Variants in TSGA10 observed in about 807,000 individuals in gnomAD.
TSGA10 encodes the protein testis specific 10.
Under a neutral mutation model 96.6 loss-of-function variants are expected in TSGA10, and 43 were observed. That is an observed-to-expected ratio of 0.44 (90% CI 0.35 to 0.57). The LOEUF is 0.57. Among genes scored for constraint, TSGA10 ranks in the 20% least tolerant of loss-of-function variants. The pLI, the probability that TSGA10 is intolerant of heterozygous loss-of-function variation, is 0.01. For missense variants in TSGA10, 703 were observed against 834.4 expected (o/e 0.84, Z 1.94); for synonymous variants, 229 against 269.9 (o/e 0.85, Z 1.48).
At chr2:99,062,804 A>T (rs2084846533) in intron 16 of TSGA10, among the ~76,000 whole-genome samples, 1 of 152,208 alleles carries the variant, frequency 6.6e-6, no homozygotes. Context: ...TTAAAAACTG[A>T]ATGGCAATGA....
chr2:99,144,567 T>TC (rs955070663), intron 1 of TSGA10, among the ~76,000 whole-genome samples: 13 of 142,770 alleles, frequency 9.1e-5, no homozygotes, highest in African/African-American at 3.3e-4. Flanking sequence ...GAGACTTGCT[T>TC]GAACCCGGGA....
At chr2:99,121,933 G>A (rs2092594893) in intron 2 of TSGA10, among the ~76,000 whole-genome samples, 1 of 151,954 alleles carries the variant, frequency 6.6e-6, no homozygotes, top group African/African-American at 2.4e-5. Context: ...TACATCTATG[G>A]TCCATTTAAT....
chr2:99,021,860 G>A (rs915812769), intron 17 of TSGA10, among the ~76,000 whole-genome samples: 3 of 152,144 alleles, frequency 2.0e-5, no homozygotes, highest in African/African-American at 7.2e-5. Context: ...ACATTACATT[G>A]GGCAATGGCA....
intron 1 of TSGA10, among the ~76,000 whole-genome samples, chr2:99,131,874 T>A (rs530283871): frequency 4.0e-4 from 61 of 152,320 alleles, no homozygotes; most frequent in African/African-American, 1.4e-3. Context: ...TCTATTGAGA[T>A]AATCATGTGG....
intron 18 of TSGA10, among the ~76,000 whole-genome samples, chr2:99,019,358 CGTAT>C: frequency 6.6e-6 from 1 of 152,206 alleles, no homozygotes; most frequent in East Asian, 1.9e-4. Flanking sequence ...GAAGTTTTGG[CGTAT>C]TTCACAAAAG....
intron 16 of TSGA10, among the ~76,000 whole-genome samples, chr2:99,057,715 G>A (rs964413276): frequency 2.0e-5 from 3 of 152,096 alleles, no homozygotes; most frequent in Non-Finnish European, 4.4e-5. Context: ...CAGAATCCCA[G>A]GTGGTTTCTT....
intron 2 of TSGA10, 92 bp from the exon 3 acceptor site, chr2:99,118,778 T>C: frequency 2.0e-6 from 1 of 508,908 alleles, no homozygotes; most frequent in Non-Finnish European, 2.5e-6. Context: ...GTTAGATACC[T>C]GCCCTCAGGG....
chr2:99,047,669 G>T (rs1029475669), intron 16 of TSGA10, among the ~76,000 whole-genome samples: 1 of 152,128 alleles, frequency 6.6e-6, no homozygotes, highest in Admixed American at 6.6e-5. Context: ...TGGCACAAGA[G>T]GGGGATGCCC....
chr2:99,138,263 T>C (rs1181351220), intron 1 of TSGA10, among the ~76,000 whole-genome samples: 1 of 152,194 alleles, frequency 6.6e-6, no homozygotes, highest in Non-Finnish European at 1.5e-5. Context: ...GGGTCTTCCC[T>C]GACTTCTTAC....
chr2:98,998,267 TTTCAACATG>T, intron 20 of TSGA10, 46 bp from the exon 21 acceptor site: 1 of 1,508,488 alleles, frequency 6.6e-7, no homozygotes, highest in Non-Finnish European at 9.1e-7. Flanking sequence ...AATTCAACTT[TTTCAACATG>T]TGTAACAAAT....
intron 9 of TSGA10, 73 bp from the exon 10 acceptor site, chr2:99,104,191 C>T: frequency 6.5e-7 from 1 of 1,542,590 alleles, no homozygotes; most frequent in Non-Finnish European, 8.8e-7. Context: ...GGGCATACTC[C>T]CTCTGTACAA....
chr2:99,042,485 G>A (rs967741566), intron 16 of TSGA10, among the ~76,000 whole-genome samples: 1 of 152,136 alleles, frequency 6.6e-6, no homozygotes, highest in Non-Finnish European at 1.5e-5. Flanking sequence ...CCTCACCTCA[G>A]TCAGGCTGCT....
At chr2:99,075,144 G>A (rs1236368820) in intron 12 of TSGA10, among the ~76,000 whole-genome samples, 1 of 152,030 alleles carries the variant, frequency 6.6e-6, no homozygotes. Flanking sequence ...CTCTTAATAT[G>A]ACCCTAATAC....
chr2:99,069,661 A>T (rs1405081199), intron 14 of TSGA10, among the ~76,000 whole-genome samples: 1 of 151,356 alleles, frequency 6.6e-6, no homozygotes, highest in Non-Finnish European at 1.5e-5. Flanking sequence ...AAATAAATAA[A>T]TAATAATTAA....
At chr2:99,077,960 C>T (rs1435774101) in intron 12 of TSGA10, among the ~76,000 whole-genome samples, 1 of 151,790 alleles carries the variant, frequency 6.6e-6, no homozygotes, top group African/African-American at 2.4e-5. Flanking sequence ...ATTCTCAAAG[C>T]CTGAGGATGA....
At chr2:98,998,841 C>T (rs902128404) in intron 20 of TSGA10, among the ~76,000 whole-genome samples, 1 of 152,126 alleles carries the variant, frequency 6.6e-6, no homozygotes, top group African/African-American at 2.4e-5. Context: ...ATATGTGGGA[C>T]TGTCTGTGGT....
At chr2:99,098,019 GA>G (rs1035885236) in intron 10 of TSGA10, among the ~76,000 whole-genome samples, 6 of 151,934 alleles carry the variant, frequency 3.9e-5, no homozygotes, top group Non-Finnish European at 1.5e-5. Context: ...AATATATAAT[GA>G]AAAAATTGAC....
At chr2:99,119,602 A>C in intron 2 of TSGA10, among the ~76,000 whole-genome samples, 1 of 152,142 alleles carries the variant, frequency 6.6e-6, no homozygotes, top group African/African-American at 2.4e-5. Context: ...AACCCTACTT[A>C]GGCTTCAATT....
At chr2:99,050,163 C>T (rs972758489) in intron 16 of TSGA10, among the ~76,000 whole-genome samples, 5 of 151,864 alleles carry the variant, frequency 3.3e-5, no homozygotes, top group African/African-American at 4.8e-5. Flanking sequence ...AATGGGAGGG[C>T]GAGGGAAGGC....
Sources: allele counts gnomAD v4.1 joint callset (sites outside exome capture counted in the v4.1 genomes callset), GRCh38; gene constraint gnomAD v4.1.1; transcripts MANE v1.5; gene names NCBI Gene and HGNC (gene_info 2026-07-23, HGNC 2026-07-21).